Variants in TAFA1 observed in about 807,000 individuals in gnomAD.
The protein encoded by TAFA1 is TAFA chemokine like family member 1.
A neutral mutation model predicts 18.5 loss-of-function variants in TAFA1; 4 were observed. The observed-to-expected ratio is 0.22, with a 90% CI of 0.11 to 0.49. TAFA1 has a LOEUF of 0.49. TAFA1 is among the 20% of genes least tolerant of loss of function. The pLI, the probability that TAFA1 is intolerant of heterozygous loss-of-function variation, is 0.98. For synonymous variants in TAFA1, 56 were observed against 55.2 expected (o/e 1.01, Z -0.06); for missense variants, 147 against 169.0 (o/e 0.87, Z 0.72).
intron 2 of TAFA1, among the ~76,000 whole-genome samples, chr3:68,155,225 C>A (rs1208978506): frequency 6.6e-6 from 1 of 152,162 alleles, no homozygotes; most frequent in African/African-American, 2.4e-5. Context: ...GGGTCAGTAG[C>A]CACTACATCA....
intron 2 of TAFA1, among the ~76,000 whole-genome samples, chr3:68,022,995 G>A (rs1182001036): frequency 7.0e-6 from 1 of 143,726 alleles, no homozygotes; most frequent in African/African-American, 2.6e-5. Context: ...CTTTGTACCA[G>A]TGAAGGAAAT....
intron 2 of TAFA1, among the ~76,000 whole-genome samples, chr3:68,178,740 A>C (rs923907795): frequency 6.6e-6 from 1 of 152,222 alleles, no homozygotes; most frequent in Non-Finnish European, 1.5e-5. Context: ...AGCTGGGAAA[A>C]GGAGAAATGG....
rs144663879 is a variant in TAFA1, at chr3:68,049,151, T to C, written c.118+42407T>C. On this transcript the variant is annotated intron_variant, in intron 2 of 4. Coordinates refer to ENST00000478136, the MANE Select transcript of TAFA1 (RefSeq NM_213609.4). Reference sequence around the variant, plus strand: ...ACAATGTATAACTATATGCAGTGGCTTTGGCTTAATTACTCATTTTCTCTA... The same window carrying C: ...ACAATGTATAACTATATGCAGTGGCCTTGGCTTAATTACTCATTTTCTCTA... 2.2e-3 allele frequency among the ~76,000 whole-genome samples: 335 copies of C among 152,318 alleles called. 1 individual carries two copies. Among genetic ancestry groups the C allele is most frequent in the African/African-American group, 7.7e-3 (321 of 41,562 alleles).
chr3:68,200,289 G>C (rs1198663811), intron 2 of TAFA1, among the ~76,000 whole-genome samples: 1 of 151,588 alleles, frequency 6.6e-6, no homozygotes, highest in African/African-American at 2.4e-5. Context: ...TTGGTCTGTA[G>C]ATTTGTTTTC....
chr3:68,486,071 A>T (rs1319113537), intron 3 of TAFA1, among the ~76,000 whole-genome samples: 1 of 105,614 alleles, frequency 9.5e-6, no homozygotes, highest in Non-Finnish European at 1.9e-5. Flanking sequence ...CTAAATTTTT[A>T]TTTTTATTTT....
intron 2 of TAFA1, among the ~76,000 whole-genome samples, chr3:68,175,160 G>A (rs1443010033): frequency 2.6e-5 from 4 of 151,724 alleles, no homozygotes; most frequent in Admixed American, 1.3e-4. Flanking sequence ...ACACCTGGAT[G>A]TCCAGGCAGA....
At chr3:68,314,789 C>T (rs775398079) in intron 2 of TAFA1, among the ~76,000 whole-genome samples, 9 of 151,572 alleles carry the variant, frequency 5.9e-5, no homozygotes, top group Non-Finnish European at 8.8e-5. Context: ...AGCTTCAGGA[C>T]GAAAAAGATC....
chr3:68,533,223 C>G (rs776319382), intron 3 of TAFA1, among the ~76,000 whole-genome samples: 2 of 152,118 alleles, frequency 1.3e-5, no homozygotes, highest in South Asian at 2.1e-4. Flanking sequence ...GTTTAATAGA[C>G]TCACAGTTCC....
intron 2 of TAFA1, among the ~76,000 whole-genome samples, chr3:68,067,634 T>C (rs1446485868): frequency 5.3e-5 from 8 of 152,222 alleles, no homozygotes; most frequent in Admixed American, 1.3e-4. Context: ...ATTGCAAGTT[T>C]TGAATTTGCA....
At chr3:68,437,706 C>T (rs1179780666) in intron 3 of TAFA1, among the ~76,000 whole-genome samples, 1 of 151,994 alleles carries the variant, frequency 6.6e-6, no homozygotes, top group Non-Finnish European at 1.5e-5. Flanking sequence ...ACCCAATTAC[C>T]CCTTAAAGGC....
chr3:68,086,803 C>A (rs1417509944), intron 2 of TAFA1, among the ~76,000 whole-genome samples: 2 of 152,158 alleles, frequency 1.3e-5, no homozygotes, highest in African/African-American at 4.8e-5. Context: ...AGTAGAGAGG[C>A]ATTCTTTATG....
chr3:68,424,988 T>C (rs1443610964), intron 3 of TAFA1, among the ~76,000 whole-genome samples: 1 of 152,016 alleles, frequency 6.6e-6, no homozygotes, highest in Non-Finnish European at 1.5e-5. Context: ...GATAGTGTGA[T>C]GCCCGAAGAT....
intron 2 of TAFA1, among the ~76,000 whole-genome samples, chr3:68,365,593 T>C (rs2069551863): frequency 6.6e-6 from 1 of 152,120 alleles, no homozygotes; most frequent in Non-Finnish European, 1.5e-5. Flanking sequence ...CAAATAAAGA[T>C]GGGTGTATTA....
At chr3:68,143,411 A>T (rs1429142462) in intron 2 of TAFA1, among the ~76,000 whole-genome samples, 1 of 152,172 alleles carries the variant, frequency 6.6e-6, no homozygotes, top group East Asian at 1.9e-4. Context: ...CTTAAACATC[A>T]CATTATCCAT....
intron 2 of TAFA1, among the ~76,000 whole-genome samples, chr3:68,257,117 C>A (rs144416046): frequency 5.9e-5 from 9 of 152,178 alleles, no homozygotes; most frequent in African/African-American, 1.9e-4. Context: ...GAGTTCTTTC[C>A]AGCCTCAGGG....
intron 2 of TAFA1, among the ~76,000 whole-genome samples, chr3:68,256,453 G>A (rs1210486700): frequency 6.6e-6 from 1 of 152,060 alleles, no homozygotes; most frequent in African/African-American, 2.4e-5. Context: ...GTAAAGTGGG[G>A]ATAATAATAG....
chr3:68,082,023 T>C (rs150036701), intron 2 of TAFA1, among the ~76,000 whole-genome samples: 4,279 of 152,294 alleles, frequency 0.028, 83 homozygotes, highest in East Asian at 0.1. Flanking sequence ...TGGTGCGCTG[T>C]TTTTTAAGCC....
chr3:68,260,291 C>T (rs933990123), intron 2 of TAFA1, among the ~76,000 whole-genome samples: 1 of 152,106 alleles, frequency 6.6e-6, no homozygotes, highest in African/African-American at 2.4e-5. Flanking sequence ...ATGAAGCCCA[C>T]TTGATCATGG....
chr3:68,077,789 C>T (rs900606959), intron 2 of TAFA1, among the ~76,000 whole-genome samples: 10 of 152,012 alleles, frequency 6.6e-5, no homozygotes, highest in South Asian at 2.1e-4. Context: ...CTTGGCGATG[C>T]GGGCTCTTTT....
Sources: gnomAD v4.1 joint callset for allele counts (sites outside exome capture counted in the v4.1 genomes callset) on GRCh38, gnomAD v4.1.1 for gene constraint, MANE v1.5 for transcripts, NCBI Gene and HGNC (gene_info 2026-07-23, HGNC 2026-07-21) for gene names.